SLC13A2: variants seen among roughly 807,000 people sequenced by gnomAD.
SLC13A2 encodes the protein solute carrier family 13 member 2, also known as Na(+)-coupled citrate transporter.
A neutral mutation model predicts 58.5 loss-of-function variants in SLC13A2; 40 were observed. The ratio of observed to expected loss-of-function variants is 0.68; its 90% CI spans 0.53 to 0.89. The LOEUF (loss-of-function observed/expected upper bound fraction) is 0.89. SLC13A2 is among the 40% of genes least tolerant of loss of function. The probability of loss-of-function intolerance (pLI) is 0.00; values close to 1 mark genes in which losing one functional copy is unlikely to be tolerated. For missense variants in SLC13A2, 694 were observed against 772.6 expected, an observed-to-expected ratio of 0.90 and a Z score of 1.21; for synonymous variants, 341 against 331.6, an observed-to-expected ratio of 1.03 and a Z score of -0.31.
At chr17:28,480,680 G>C (rs1323522530) in intron 1 of SLC13A2, among the ~76,000 whole-genome samples, 1 of 152,156 alleles carries the variant, frequency 6.6e-6, no homozygotes, top group Admixed American at 6.5e-5. Flanking sequence ...GGCACCTGGG[G>C]CTTGATAAAC....
intron 1 of SLC13A2, among the ~76,000 whole-genome samples, chr17:28,483,498 G>A (rs962629760): frequency 6.6e-6 from 1 of 152,122 alleles, no homozygotes; most frequent in Non-Finnish European, 1.5e-5. Flanking sequence ...TTAGCTGGGT[G>A]TGGTGGCACA....
At chr17:28,476,105 C>G (rs2068665690) in intron 1 of SLC13A2, among the ~76,000 whole-genome samples, 1 of 152,228 alleles carries the variant, frequency 6.6e-6, no homozygotes, top group East Asian at 1.9e-4. Context: ...ATCTACCTTG[C>G]TGCAACAGCC....
At chr17:28,495,564 TAGCAGG>T in intron 9 of SLC13A2, 85 bp from the exon 10 acceptor site, 2 of 1,291,882 alleles carry the variant, frequency 1.5e-6, no homozygotes, top group Non-Finnish European at 2.2e-6. Flanking sequence ...AGGGAGATGT[TAGCAGG>T]AGCAGGAGCC....
chr17:28,490,426 G>A (rs184808575), intron 2 of SLC13A2, 28 bp from the exon 3 acceptor site: 18 of 1,614,056 alleles, frequency 1.1e-5, no homozygotes, highest in African/African-American at 9.3e-5. Flanking sequence ...GGGTCTTCCC[G>A]CCGCTCAGCC....
At chr17:28,484,413 G>A (rs576939181) in intron 1 of SLC13A2, among the ~76,000 whole-genome samples, 57 of 152,332 alleles carry the variant, frequency 3.7e-4, no homozygotes, top group African/African-American at 1.3e-3. Context: ...CCTGTGGCCA[G>A]AGGGAGGATG....
rs1057090824 is a variant in SLC13A2 at position 28,497,571 on chromosome 17, T to A, written c.*302T>A. On this transcript the variant is annotated 3_prime_UTR_variant, in exon 12 of 12. Transcript: ENST00000314669. Reference sequence around the variant, plus strand: ...ATGCACATGATCCTAGGTATGTATGTTGGACAGTGCACACGTGTGTGTTCA... The same window carrying A: ...ATGCACATGATCCTAGGTATGTATGATGGACAGTGCACACGTGTGTGTTCA... 45 of 431,438 alleles carry A rather than the reference T, an allele frequency of 1.0e-4. No homozygotes were observed. In the East Asian group the frequency reaches 1.2e-3, roughly 12 times the overall value. 26.7% of individuals were successfully genotyped at this position (431,438 alleles called of 1,614,324 possible). A position where few individuals can be genotyped will look rare whatever the true frequency, so the allele number is the denominator to read the frequency against.
rs1328780685 is a variant in SLC13A2 at position 28,490,917 on chromosome 17, T to C, written c.574+11T>C. Reference sequence around the variant, plus strand: ...AGGTGACCAAGCTTGGTGAGAAAAATGAGGCTAGACTCTGCCCCAACCCCT... The same window carrying C: ...AGGTGACCAAGCTTGGTGAGAAAAACGAGGCTAGACTCTGCCCCAACCCCT... On this transcript the variant is annotated intron_variant, in intron 4 of 11. Transcript: ENST00000314669. The C allele has an allele frequency of 1.9e-6, 3 of 1,607,622 alleles. No individual in the cohort carries two copies. The highest frequency in any genetic ancestry group is 2.7e-5 in the African/African-American group (2 of 74,786).
intron 1 of SLC13A2, among the ~76,000 whole-genome samples, chr17:28,481,544 C>G (rs2068786737): frequency 6.6e-6 from 1 of 152,170 alleles, no homozygotes; most frequent in Admixed American, 6.5e-5. Context: ...GTTAGGGGAG[C>G]ACATTTCGCT....
chr17:28,478,327 A>G (rs954625037), intron 1 of SLC13A2, among the ~76,000 whole-genome samples: 2 of 152,198 alleles, frequency 1.3e-5, no homozygotes, highest in Non-Finnish European at 2.9e-5. Context: ...TCAGTCCAGC[A>G]TATCTGTTGA....
At chr17:28,493,513 C>A (rs781902258) in intron 6 of SLC13A2, 58 bp from the exon 7 acceptor site, 74 of 1,429,494 alleles carry the variant, frequency 5.2e-5, no homozygotes, top group Admixed American at 2.5e-4. Flanking sequence ...GCACTCAGAG[C>A]CCCTTGCTCC....
chr17:28,490,042 G>A (rs2151457212), intron 2 of SLC13A2, among the ~76,000 whole-genome samples: 1 of 152,356 alleles, frequency 6.6e-6, no homozygotes, highest in African/African-American at 2.4e-5. Flanking sequence ...AGGGGGCCAA[G>A]GCGGGTGGAT....
chr17:28,496,766 C>G lies in SLC13A2; in HGVS notation c.1608+179C>G, dbSNP rs991193778. ...ACCTCTCAGTGGTGGCATCTTCAGG[C>G]CCTGCCAGCCCCAGGCTATGTGAGA... On this transcript the variant is annotated intron_variant, in intron 11 of 11. Coordinates refer to ENST00000314669, the MANE Select transcript of SLC13A2 (RefSeq NM_003984.4). The surrounding 1 kb of genome is among the most constrained non-coding windows in gnomAD (Gnocchi z 4.2). 2.0e-5 allele frequency among the ~76,000 whole-genome samples: 3 copies of G among 152,110 alleles called. No homozygotes were observed. Among genetic ancestry groups the G allele is most frequent in the African/African-American group, 7.2e-5 (3 of 41,398 alleles).
chr17:28,497,250 C>T lies in SLC13A2; in HGVS notation c.1760C>T (p.Thr587Ile). Residue 587 changes from threonine (T) to isoleucine (I), a missense_variant, in exon 12 of 12, where the codon ACC (threonine) becomes ATC (isoleucine). Transcript: ENST00000314669. The stretch of plus-strand genomic sequence containing the variant: ...CAGTGCCTGCCAAGCCTGGCCAACA[C>T]CACCACACCAAGCCCCTAGGCTGGG... Reference protein sequence around the residue: ...TAQCLPSLANTTTPSP With the variant: ...TAQCLPSLANITTPSP 6.2e-7 allele frequency: 1 copy of T among 1,613,952 alleles called. No homozygotes were observed. Among genetic ancestry groups the T allele is most frequent in the Non-Finnish European group, 8.5e-7 (1 of 1,179,940 alleles).
At chr17:28,485,046 G>A (rs558596365) in intron 1 of SLC13A2, among the ~76,000 whole-genome samples, 30 of 152,322 alleles carry the variant, frequency 2.0e-4, no homozygotes, top group East Asian at 1.9e-3. Flanking sequence ...CTACGCCCCC[G>A]TCCTCAGGAG....
At chr17:28,477,084 CAGG>C (rs1318461128) in intron 1 of SLC13A2, among the ~76,000 whole-genome samples, 11 of 151,688 alleles carry the variant, frequency 7.3e-5, no homozygotes, top group Non-Finnish European at 1.2e-4. Context: ...CGCTTGAACC[CAGG>C]AGGAGGAGGT....
intron 1 of SLC13A2, among the ~76,000 whole-genome samples, chr17:28,477,004 A>G (rs2068685890): frequency 6.6e-6 from 1 of 151,274 alleles, no homozygotes; most frequent in Non-Finnish European, 1.5e-5. Context: ...AAAAAAAAAC[A>G]CAAAAATTAG....
intron 1 of SLC13A2, among the ~76,000 whole-genome samples, chr17:28,477,478 G>T (rs997258080): frequency 7.2e-5 from 11 of 151,888 alleles, no homozygotes; most frequent in South Asian, 2.1e-4. Context: ...ACAGGCGTGA[G>T]CCACCATGCC....
chr17:28,473,657 T>A lies in SLC13A2; in HGVS notation c.-56T>A. Reference sequence around the variant, plus strand: ...GCCTGCTTGGCTGCATCTTTGGTCCTTCTGTTACCCAGCTCCTGGAGGCAG... The same window carrying A: ...GCCTGCTTGGCTGCATCTTTGGTCCATCTGTTACCCAGCTCCTGGAGGCAG... On this transcript the variant is annotated 5_prime_UTR_variant, in exon 1 of 12. Coordinates refer to ENST00000314669, the MANE Select transcript of SLC13A2 (RefSeq NM_003984.4). 1 of 1,382,514 alleles carries A rather than the reference T, an allele frequency of 7.2e-7. No individual in the cohort carries two copies. Among genetic ancestry groups the A allele is most frequent in the Non-Finnish European group, 1.0e-6 (1 of 978,726 alleles). The allele number at this position is 1,382,514 out of a possible 1,614,324, so 85.6% of individuals were successfully genotyped here.
intron 1 of SLC13A2, among the ~76,000 whole-genome samples, chr17:28,486,348 C>T (rs577176429): frequency 6.6e-5 from 10 of 152,262 alleles, no homozygotes; most frequent in South Asian, 4.2e-4. Context: ...ATGTTCATAA[C>T]CTTAGTTCGA....
Sources: allele counts gnomAD v4.1 joint callset (sites outside exome capture counted in the v4.1 genomes callset), GRCh38; gene constraint gnomAD v4.1.1; non-coding constraint Gnocchi (gnomAD v3.1); transcripts MANE v1.5; gene names NCBI Gene and HGNC (gene_info 2026-07-23, HGNC 2026-07-21).